The following UPF2 variants were observed in gnomAD, a reference collection of about 807,000 sequenced individuals.
The protein encoded by UPF2 is regulator of nonsense transcripts 2.
In UPF2, 17 loss-of-function variants were observed where a neutral mutation model predicts 141.4. The observed-to-expected ratio is 0.12, with a 90% confidence interval of 0.08 to 0.18. The LOEUF is 0.18. UPF2 is among the 10% of genes least tolerant of loss of function. UPF2 has a pLI of 1.00. For synonymous variants in UPF2, 540 were observed against 498.0 expected (o/e 1.08, Z -1.12); for missense variants, 1,152 against 1,515.9 (o/e 0.76, Z 3.99).
intron 9 of UPF2, among the ~76,000 whole-genome samples, chr10:11,978,244 T>C (rs1833538519): frequency 6.6e-6 from 1 of 152,180 alleles, no homozygotes; most frequent in African/African-American, 2.4e-5. Flanking sequence ...GTGCGGACAT[T>C]TCCCGTTTTC....
At position 11,957,622 on chromosome 10, in the gene UPF2, T is replaced by G. The variant is rs541535554; in HGVS notation, c.2371-1099A>C. 2.6e-5 allele frequency among the ~76,000 whole-genome samples: 4 copies of G among 152,006 alleles called. No individual in the cohort carries two copies. In the South Asian group the frequency reaches 8.3e-4, roughly 32 times the overall value. On this transcript the variant is annotated intron_variant, in intron 12 of 21. Coordinates refer to ENST00000357604, the MANE Select transcript of UPF2 (RefSeq NM_015542.4). ...CCCTCCGCCTCCAGGGTTCAAGCAA[T>G]TCTCATACCTCAGCCTCCCAAGTAG...
intron 4 of UPF2, among the ~76,000 whole-genome samples, chr10:12,005,402 T>A (rs1439137392): frequency 6.6e-6 from 1 of 152,218 alleles, no homozygotes; most frequent in Non-Finnish European, 1.5e-5. Context: ...AGATTGTTTA[T>A]ACAGAGAAAG....
chr10:12,024,969 G>T (rs1834392915), intron 3 of UPF2, among the ~76,000 whole-genome samples: 1 of 143,336 alleles, frequency 7.0e-6, no homozygotes, highest in African/African-American at 2.5e-5. Flanking sequence ...ACAGCTACTG[G>T]ATAATGACTG....
intron 8 of UPF2, among the ~76,000 whole-genome samples, chr10:11,994,084 C>T (rs1001989276): frequency 6.6e-6 from 1 of 151,534 alleles, no homozygotes; most frequent in Non-Finnish European, 1.5e-5. Context: ...TGGAAGAAAC[C>T]CAAAAGAAGA....
chr10:12,031,288 T>G (rs1834521179), intron 2 of UPF2, among the ~76,000 whole-genome samples: 1 of 151,948 alleles, frequency 6.6e-6, no homozygotes, highest in South Asian at 2.1e-4. Flanking sequence ...TCTTAAAAAT[T>G]CAAGTGATTT....
intron 11 of UPF2, among the ~76,000 whole-genome samples, chr10:11,960,800 AAAGG>A (rs1244501991): frequency 2.6e-5 from 4 of 151,796 alleles, no homozygotes; most frequent in Non-Finnish European, 5.9e-5. Flanking sequence ...AGAAAGAAAG[AAAGG>A]AAAGTAGCCA....
At chr10:11,932,570 A>G (rs919390379) in intron 19 of UPF2, among the ~76,000 whole-genome samples, 39 of 152,216 alleles carry the variant, frequency 2.6e-4, no homozygotes, top group African/African-American at 9.2e-4. Context: ...TAAAAAAAAC[A>G]TAAAAGAGAC....
At position 11,986,203 on chromosome 10, in the gene UPF2, C is replaced by T. The variant is rs145928061; in HGVS notation, c.1845-7038G>A. ...CCGGCCTAGATCCTTCCTTTGAAAA[C>T]GGAATTCTATAATCTCATAAGATGG... is the stretch of plus-strand genomic sequence containing the variant. On this transcript the variant is annotated intron_variant, in intron 8 of 21. Transcript: ENST00000357604. 3.8e-3 allele frequency among the ~76,000 whole-genome samples: 575 copies of T among 152,136 alleles called. 5 individuals carry two copies. Among genetic ancestry groups the T allele is most frequent in the African/African-American group, 0.013 (533 of 41,492 alleles).
At position 11,943,589 on chromosome 10, in the gene UPF2, T is replaced by C. The variant is rs865867732; in HGVS notation, c.3175-421A>G. On this transcript the variant is annotated intron_variant, in intron 16 of 21. Transcript: ENST00000357604. ...ACCAGCTGAAAGCAGTGATACAGCA[T>C]TACCTTTTACAAAGCACTTCGATTT... Among the ~76,000 whole-genome samples, 5 of 152,198 alleles carry C rather than the reference T, an allele frequency of 3.3e-5. No homozygotes were observed. The South Asian group carries it at 1.0e-3, about 32-fold the overall frequency.
At chr10:11,994,418 C>G (rs559766729) in intron 8 of UPF2, among the ~76,000 whole-genome samples, 1 of 152,044 alleles carries the variant, frequency 6.6e-6, no homozygotes, top group Non-Finnish European at 1.5e-5. Flanking sequence ...TTCTTGTATA[C>G]GCAAAAGAAT....
intron 3 of UPF2, among the ~76,000 whole-genome samples, chr10:12,020,074 CCAGT>C (rs1164837397): frequency 3.3e-5 from 5 of 151,748 alleles, no homozygotes; most frequent in Middle Eastern, 3.2e-3. Context: ...ACCAAAAAAG[CCAGT>C]CAATTTTTGA....
intron 4 of UPF2, among the ~76,000 whole-genome samples, chr10:12,004,986 T>C (rs188237728): frequency 1.6e-3 from 243 of 152,246 alleles, no homozygotes; most frequent in Non-Finnish European, 3.0e-3. Context: ...GCAATTAATA[T>C]GAGATTAAGT....
intron 16 of UPF2, among the ~76,000 whole-genome samples, chr10:11,947,488 A>C (rs1369566546): frequency 6.6e-6 from 1 of 152,196 alleles, no homozygotes; most frequent in African/African-American, 2.4e-5. Context: ...AGCGAGATTA[A>C]GATACACAAG....
intron 8 of UPF2, among the ~76,000 whole-genome samples, chr10:11,982,959 C>G (rs899755297): frequency 6.6e-6 from 1 of 152,120 alleles, no homozygotes; most frequent in East Asian, 1.9e-4. Flanking sequence ...TACCACTTAA[C>G]ATAGTAAATA....
Position 11,959,406 on chromosome 10 carries a change from T to G in UPF2, c.2185-50A>C. The G allele has an allele frequency of 6.7e-7, 1 of 1,502,392 alleles. No individual in the cohort carries two copies. Among genetic ancestry groups the G allele is most frequent in the Non-Finnish European group, 8.9e-7 (1 of 1,127,126 alleles). The allele number at this position is 1,502,392 out of a possible 1,614,324, so 93.1% of individuals were successfully genotyped here. A position where few individuals can be genotyped will look rare whatever the true frequency, so the allele number is the denominator to read the frequency against. On this transcript the variant is annotated intron_variant, in intron 11 of 21. Coordinates refer to ENST00000357604, the MANE Select transcript of UPF2 (RefSeq NM_015542.4). This position sits in a 1 kb window ranked among gnomAD's most constrained non-coding sequence, Gnocchi z 5.9. ...CAAAACACGTTCCTTCTAAGATTCC[T>G]TTACTCCTAACTAAACTTCTATTCT...
chr10:11,997,631 A>G (rs1315833505), intron 8 of UPF2, 41 bp downstream of exon 8: 1 of 1,576,216 alleles, frequency 6.3e-7, no homozygotes, highest in African/African-American at 1.4e-5. Flanking sequence ...CCAGCACTAC[A>G]GAGTAAAAAC....
At chr10:11,943,326 A>G (rs1832960056) in intron 16 of UPF2, among the ~76,000 whole-genome samples, 158 bp from the exon 17 acceptor site, 1 of 152,228 alleles carries the variant, frequency 6.6e-6, no homozygotes, top group African/African-American at 2.4e-5. Context: ...AAAGTCAGCT[A>G]GCAACGTTTA....
At chr10:12,022,721 T>C (rs1346503407) in intron 3 of UPF2, among the ~76,000 whole-genome samples, 3 of 152,186 alleles carry the variant, frequency 2.0e-5, no homozygotes, top group Non-Finnish European at 4.4e-5. Flanking sequence ...ACAACCTACC[T>C]GTGAAGCAAG....
At chr10:11,993,250 C>A (rs1031549299) in intron 8 of UPF2, among the ~76,000 whole-genome samples, 12 of 150,550 alleles carry the variant, frequency 8.0e-5, no homozygotes, top group African/African-American at 2.9e-4. Context: ...AAGAAGAACA[C>A]TTTATAATGA....
Sources: allele counts gnomAD v4.1 joint callset (sites outside exome capture counted in the v4.1 genomes callset), GRCh38; gene constraint gnomAD v4.1.1; non-coding constraint Gnocchi (gnomAD v3.1); transcripts MANE v1.5; gene names NCBI Gene and HGNC (gene_info 2026-07-23, HGNC 2026-07-21).